Variants in CNBP observed in about 807,000 individuals in gnomAD.
CNBP encodes the protein CCHC-type zinc finger nucleic acid binding protein.
Under a neutral mutation model 21.2 loss-of-function variants are expected in CNBP, and 6 were observed. The ratio of observed to expected loss-of-function variants is 0.28; its 90% CI spans 0.16 to 0.56. CNBP has a LOEUF of 0.56. CNBP is among the 20% of genes least tolerant of loss of function. CNBP has a pLI of 0.93. For synonymous variants in CNBP, 61 were observed against 74.9 expected, an observed-to-expected ratio of 0.81 and a Z score of 0.96; for missense variants, 112 against 233.1, an observed-to-expected ratio of 0.48 and a Z score of 3.38.
chr3:129,169,144 A>G lies in CNBP; in HGVS notation c.*1309T>C, dbSNP rs949831889. ...TAAAATAAAAATAAAAATACAAAAA[A>G]TTAGCGGGGGGTGGTGGCGGGTGCC... On this transcript the variant is annotated 3_prime_UTR_variant, in exon 5 of 5. Coordinates refer to ENST00000422453, the MANE Select transcript of CNBP (RefSeq NM_003418.5). 3.3e-5 allele frequency among the ~76,000 whole-genome samples: 5 copies of G among 151,846 alleles called. No homozygotes were observed. The highest frequency in any genetic ancestry group is 9.7e-5 in the African/African-American group (4 of 41,330).
rs57560229 is a variant in CNBP, at chr3:129,168,605, C to CAAAAA, written c.*1843_*1847dup. ...CCTGGGCAACAGAGCGAGACTGTCT[C>CAAAAA]AAAAAAAAAAAAAAAAAAAAAAAAG... On this transcript the variant is annotated 3_prime_UTR_variant, in exon 5 of 5. Coordinates refer to ENST00000422453, the MANE Select transcript of CNBP (RefSeq NM_003418.5). Among the ~76,000 whole-genome samples the CAAAAA allele has an allele frequency of 2.5e-5, 1 of 39,476 alleles. No homozygotes were observed. Among genetic ancestry groups the CAAAAA allele is most frequent in the African/African-American group, 1.0e-4 (1 of 9,576 alleles). 25.9% of individuals were successfully genotyped at this position (39,476 alleles called of 152,430 possible). A position where few individuals can be genotyped will look rare whatever the true frequency, so the allele number is the denominator to read the frequency against.
intron 1 of CNBP, among the ~76,000 whole-genome samples, chr3:129,172,687 GACAGACAGACACACAC>G (rs1222827660): frequency 0.01 from 969 of 94,148 alleles, 11 homozygotes; most frequent in Non-Finnish European, 0.013. Flanking sequence ...CAGACAGACA[GACAGACAGACACACAC>G]ACACACACAC....
intron 4 of CNBP, 59 bp downstream of exon 4, chr3:129,171,020 T>C (rs938845138): frequency 1.9e-5 from 29 of 1,528,446 alleles, no homozygotes; most frequent in Non-Finnish European, 2.5e-5. Context: ...TTATAGCTAA[T>C]TCATCTCTGG....
intron 4 of CNBP, 38 bp downstream of exon 4, chr3:129,171,041 G>A: frequency 6.4e-7 from 1 of 1,570,032 alleles, no homozygotes; most frequent in Non-Finnish European, 8.7e-7. Flanking sequence ...AAGAATCTCT[G>A]CAATGAGTTT....
At chr3:129,177,888 G>A (rs1413522635) in intron 1 of CNBP, among the ~76,000 whole-genome samples, 1 of 152,142 alleles carries the variant, frequency 6.6e-6, no homozygotes. Flanking sequence ...GGCCGGGCGG[G>A]GTGGCCCACA....
intron 1 of CNBP, among the ~76,000 whole-genome samples, chr3:129,174,016 G>A (rs368633522): frequency 6.6e-6 from 1 of 152,092 alleles, no homozygotes; most frequent in South Asian, 2.1e-4. Flanking sequence ...AGTTCCCATT[G>A]TCAAATATAC....
In CNBP at chr3:129,169,527, T is replaced by C. The variant is rs1003491636; in HGVS notation, c.*926A>G. 4.9e-6 allele frequency: 1 copy of C among 203,080 alleles called. No homozygotes were observed. Among genetic ancestry groups the C allele is most frequent in the African/African-American group, 2.3e-5 (1 of 43,636 alleles). 12.6% of individuals were successfully genotyped at this position (203,080 alleles called of 1,614,324 possible). ...CCCTCTTTAATATGGTATTTTGCAC[T>C]ATATACATTAATGAAAATTTGAAAC... On this transcript the variant is annotated 3_prime_UTR_variant, in exon 5 of 5. Transcript: ENST00000422453.
intron 1 of CNBP, among the ~76,000 whole-genome samples, chr3:129,176,253 C>T (rs182237155): frequency 6.6e-5 from 10 of 152,288 alleles, no homozygotes; most frequent in Non-Finnish European, 1.2e-4. Context: ...TCCCCTGCTC[C>T]TTTTCCACCT....
At position 129,170,269 on chromosome 3, in the gene CNBP, A is replaced by G; in HGVS notation, c.*184T>C. 1.7e-6 allele frequency: 1 copy of G among 602,166 alleles called. No homozygotes were observed. Among genetic ancestry groups the G allele is most frequent in the Non-Finnish European group, 3.0e-6 (1 of 336,468 alleles). The allele number at this position is 602,166 out of a possible 1,614,324, so 37.3% of individuals were successfully genotyped here. ...TAACACCTCTACCAAACTAAACATAAACTTTTTTTGTAGTTAAATGCAGAA... is the reference window on the plus strand; with the variant it reads ...TAACACCTCTACCAAACTAAACATAGACTTTTTTTGTAGTTAAATGCAGAA... On this transcript the variant is annotated 3_prime_UTR_variant, in exon 5 of 5. Transcript: ENST00000422453.
In CNBP at chr3:129,181,698, A is replaced by ATATT. The variant is rs771243792; in HGVS notation, c.-15+2074_-15+2077dup. 9.3e-5 allele frequency among the ~76,000 whole-genome samples: 14 copies of ATATT among 150,540 alleles called. No homozygotes were observed. In the South Asian group the frequency reaches 1.7e-3, roughly 18 times the overall value. Reference sequence around the variant, plus strand: ...TGGTCTTCCACTGATTTGGTTCAAAATATTTTACAGACTGCACCATCTGAA... The same window carrying ATATT: ...TGGTCTTCCACTGATTTGGTTCAAAATATTTATTTTACAGACTGCACCATCTGAA... On this transcript the variant is annotated intron_variant, in intron 1 of 4. Transcript: ENST00000422453.
At chr3:129,181,106 G>A (rs889733607) in intron 1 of CNBP, among the ~76,000 whole-genome samples, 1 of 151,364 alleles carries the variant, frequency 6.6e-6, no homozygotes, top group Non-Finnish European at 1.5e-5. Flanking sequence ...CGGGCGTGGT[G>A]GCACACGCCT....
At chr3:129,180,127 C>T (rs1429222062) in intron 1 of CNBP, among the ~76,000 whole-genome samples, 2 of 151,352 alleles carry the variant, frequency 1.3e-5, no homozygotes, top group Non-Finnish European at 2.9e-5. Flanking sequence ...CCAATTCAAT[C>T]TCTACTTCAA....
In CNBP at chr3:129,167,940, T is replaced by A. The variant is rs556480605; in HGVS notation, c.*2513A>T. On this transcript the variant is annotated 3_prime_UTR_variant, in exon 5 of 5. Transcript: ENST00000422453. Reference sequence around the variant, plus strand: ...TATTCATAAAGAAATGGGTATGTTATTACCTCTTTTTCTTGCTTGCTCAGG... The same window carrying A: ...TATTCATAAAGAAATGGGTATGTTAATACCTCTTTTTCTTGCTTGCTCAGG... Among the ~76,000 whole-genome samples, 1 of 152,378 alleles carries A rather than the reference T, an allele frequency of 6.6e-6. No individual in the cohort carries two copies. Among genetic ancestry groups the A allele is most frequent in the African/African-American group, 2.4e-5 (1 of 41,588 alleles).
intron 1 of CNBP, among the ~76,000 whole-genome samples, chr3:129,177,609 T>C (rs928971462): frequency 6.6e-5 from 10 of 152,216 alleles, no homozygotes; most frequent in African/African-American, 1.9e-4. Context: ...GTCTATTACA[T>C]AGCAGGTTTA....
Position 129,170,488 on chromosome 3 carries a change from G to A in CNBP, c.499C>T (p.Leu167Phe). The A allele has an allele frequency of 6.2e-7, 1 of 1,614,180 alleles. No individual in the cohort carries two copies. The highest frequency in any genetic ancestry group is 8.5e-7 in the Non-Finnish European group (1 of 1,180,028). The change falls in exon 5 of 5, where the codon CTT (leucine) becomes TTT (phenylalanine). Residue 167 changes from leucine (L) to phenylalanine (F), a missense_variant. Coordinates refer to ENST00000422453, the MANE Select transcript of CNBP (RefSeq NM_003418.5). ...GCCTCAATTGTGCATTCCCGTGCAA[G>A]GTGCCCTGACTCGCCACAGCGGTAA... ...NCYRCGESGH[L>F]ARECTIEATA is the part of the protein sequence containing the mutation.
At chr3:129,181,657 A>AAAAAAAAAAAAAAAAAAAAG in intron 1 of CNBP, among the ~76,000 whole-genome samples, 1 of 149,092 alleles carries the variant, frequency 6.7e-6, no homozygotes, top group Non-Finnish European at 1.5e-5. Flanking sequence ...CTCAGAAAAA[A>AAAAAAAAAAAAAAAAAAAAG]AAAAAGAAAA....
At chr3:129,172,656 G>C (rs6763144) in intron 1 of CNBP, among the ~76,000 whole-genome samples, 3 of 112,660 alleles carry the variant, frequency 2.7e-5, no homozygotes, top group African/African-American at 1.0e-4. Context: ...AGGCAGGCAG[G>C]CAGACAGACA....
intron 1 of CNBP, among the ~76,000 whole-genome samples, chr3:129,172,616 A>G (rs56098180): frequency 0.088 from 4,320 of 48,880 alleles, 246 homozygotes; most frequent in East Asian, 0.25. Flanking sequence ...AGACAGGCAG[A>G]CAGGCAGCCA....
chr3:129,176,584 TAAC>T (rs1411835686), intron 1 of CNBP, among the ~76,000 whole-genome samples: 1 of 152,196 alleles, frequency 6.6e-6, no homozygotes, highest in African/African-American at 2.4e-5. Flanking sequence ...AATCAAGTAC[TAAC>T]AACAAAGCAC....
Sources: gnomAD v4.1 joint callset for allele counts (sites outside exome capture counted in the v4.1 genomes callset) on GRCh38, gnomAD v4.1.1 for gene constraint, MANE v1.5 for transcripts, NCBI Gene and HGNC (gene_info 2026-07-23, HGNC 2026-07-21) for gene names.